Variants in SGK1 observed in about 807,000 individuals in gnomAD.
SGK1 encodes the protein serine/threonine-protein kinase Sgk1.
SGK1 carries 26 observed loss-of-function variants against 64.2 expected under a neutral mutation model. The observed-to-expected ratio is 0.40, with a 90% CI of 0.30 to 0.56. SGK1 has a LOEUF of 0.56. Ranked by LOEUF, SGK1 falls within the 20% of genes least tolerant of loss-of-function variation. The pLI, the probability that SGK1 is intolerant of heterozygous loss-of-function variation, is 0.38. For synonymous variants in SGK1, 265 were observed against 239.7 expected (o/e 1.11, Z -0.98); for missense variants, 519 against 645.6 (o/e 0.80, Z 2.12).
At chr6:134,316,374 C>A (rs902545578) in intron 1 of SGK1, among the ~76,000 whole-genome samples, 1 of 152,100 alleles carries the variant, frequency 6.6e-6, no homozygotes, top group African/African-American at 2.4e-5. Flanking sequence ...TGGAGAGAAC[C>A]ATTTTGGTGG....
At position 134,272,993 on chromosome 6, in the gene SGK1, G is replaced by A. The variant is rs1776963682; in HGVS notation, c.70-10845C>T. Among the ~76,000 whole-genome samples the A allele has an allele frequency of 1.3e-5, 2 of 148,322 alleles. 1 individual carries two copies. The highest frequency in any genetic ancestry group is 3.0e-5 in the Non-Finnish European group (2 of 66,882). On this transcript the variant is annotated intron_variant, in intron 1 of 13. Transcript: ENST00000367858. ...AGAAATTTAATGTTGACCATCGAAA[G>A]AGGATGCTTGCATTTCAGAGGGGCT...
At chr6:134,221,133 G>T (rs146733676) in intron 2 of SGK1, among the ~76,000 whole-genome samples, 11,938 of 152,062 alleles carry the variant, frequency 0.079, 806 homozygotes, top group East Asian at 0.24. Context: ...GTGAAACCCT[G>T]TCTTTACTAA....
chr6:134,228,841 CTTTTTTT>C (rs754300980), intron 2 of SGK1, among the ~76,000 whole-genome samples: 3 of 129,960 alleles, frequency 2.3e-5, no homozygotes, highest in Admixed American at 8.1e-5. Flanking sequence ...TGTAGTTGTT[CTTTTTTT>C]TTTTTTTTTT....
At chr6:134,291,799 G>A (rs143170437) in intron 1 of SGK1, among the ~76,000 whole-genome samples, 10 of 152,252 alleles carry the variant, frequency 6.6e-5, no homozygotes, top group African/African-American at 2.4e-4. Context: ...GATGGGTCAC[G>A]CCTGTAATCC....
intron 1 of SGK1, among the ~76,000 whole-genome samples, chr6:134,285,488 A>AG (rs1777169950): frequency 6.6e-6 from 1 of 151,746 alleles, no homozygotes. Context: ...AAAAAAAAAA[A>AG]AAAAAAAAGG....
At position 134,232,904 on chromosome 6, in the gene SGK1, A is replaced by G. The variant is rs149204869; in HGVS notation, c.286-25473T>C. Among the ~76,000 whole-genome samples, 357 of 152,158 alleles carry G rather than the reference A, an allele frequency of 2.3e-3. 2 individuals carry two copies. Among genetic ancestry groups the G allele is most frequent in the African/African-American group, 8.2e-3 (342 of 41,526 alleles). On this transcript the variant is annotated intron_variant, in intron 2 of 13. Transcript: ENST00000367858. ...GTGTATAGAACAGATAAGTCAATGT[A>G]GGAAACAATGTTTATTGTGTTCATG...
At chr6:134,184,504 CAAAAAAAAA>C (rs1162404618) in intron 3 of SGK1, among the ~76,000 whole-genome samples, 7 of 63,570 alleles carry the variant, frequency 1.1e-4, no homozygotes, top group Non-Finnish European at 2.0e-4. Flanking sequence ...GACTCCATCT[CAAAAAAAAA>C]AAAAAAAAAA....
At chr6:134,216,868 T>G (rs1775994537) in intron 2 of SGK1, among the ~76,000 whole-genome samples, 1 of 152,072 alleles carries the variant, frequency 6.6e-6, no homozygotes. Context: ...CCTCTCTGGG[T>G]GGGACAGCAC....
intron 2 of SGK1, among the ~76,000 whole-genome samples, chr6:134,255,059 A>C (rs1409794499): frequency 6.6e-6 from 1 of 152,028 alleles, no homozygotes; most frequent in Non-Finnish European, 1.5e-5. Flanking sequence ...TAGTAGAGAC[A>C]GGGTTTCACC....
intron 1 of SGK1, among the ~76,000 whole-genome samples, chr6:134,263,048 A>T (rs1054388551): frequency 9.9e-5 from 15 of 152,098 alleles, no homozygotes; most frequent in Admixed American, 3.9e-4. Context: ...ACAATGTTCA[A>T]GTACTTTGCC....
rs531945161 is a variant in SGK1 at position 134,253,667 on chromosome 6, T to A, written c.285+8266A>T. 6.6e-5 allele frequency among the ~76,000 whole-genome samples: 10 copies of A among 152,064 alleles called. No homozygotes were observed. In the East Asian group the frequency reaches 7.8e-4, roughly 12 times the overall value. ...GACCTTGTCTCAAAAAAATAAAAAA[T>A]TTTTTTCTACAGTGCCCCTCTATTA... On this transcript the variant is annotated intron_variant, in intron 2 of 13. Transcript: ENST00000367858.
chr6:134,289,625 T>C (rs1441740778), intron 1 of SGK1, among the ~76,000 whole-genome samples: 3 of 152,192 alleles, frequency 2.0e-5, no homozygotes, highest in South Asian at 4.1e-4. Flanking sequence ...ATACTGTGTT[T>C]AAAATCTGGT....
intron 2 of SGK1, among the ~76,000 whole-genome samples, chr6:134,255,887 C>T (rs184239651): frequency 1.4e-4 from 22 of 152,092 alleles, no homozygotes; most frequent in African/African-American, 4.6e-4. Flanking sequence ...GCCCTGCCTT[C>T]AGTCTTCTTG....
At chr6:134,222,594 G>A (rs1024094679) in intron 2 of SGK1, among the ~76,000 whole-genome samples, 9 of 151,808 alleles carry the variant, frequency 5.9e-5, no homozygotes, top group African/African-American at 1.9e-4. Context: ...CCTCATCCTC[G>A]CAAAGTGCTG....
chr6:134,270,569 G>A (rs1776923950), intron 1 of SGK1, among the ~76,000 whole-genome samples: 1 of 148,290 alleles, frequency 6.7e-6, no homozygotes, highest in Non-Finnish European at 1.5e-5. Flanking sequence ...GGCACCCTGA[G>A]AAGATGGAGT....
intron 1 of SGK1, among the ~76,000 whole-genome samples, chr6:134,265,541 CACATATATATTTTATATAT>C (rs1776837694): frequency 6.9e-6 from 1 of 145,764 alleles, no homozygotes; most frequent in Admixed American, 6.9e-5. Context: ...ATTTTATATA[CACATATATATTTTATATAT>C]ATACATATAT....
intron 3 of SGK1, among the ~76,000 whole-genome samples, chr6:134,202,259 A>G (rs1775698510): frequency 6.6e-6 from 1 of 152,228 alleles, no homozygotes; most frequent in Non-Finnish European, 1.5e-5. Context: ...TAGCAAAAAT[A>G]TCCTTCAAGA....
At chr6:134,253,621 C>A (rs763006156) in intron 2 of SGK1, among the ~76,000 whole-genome samples, 18 of 152,070 alleles carry the variant, frequency 1.2e-4, no homozygotes, top group South Asian at 2.1e-4. Context: ...CCACTGCACT[C>A]CAGCCTGGGC....
chr6:134,186,803 C>T (rs1009435612), intron 3 of SGK1, among the ~76,000 whole-genome samples: 2 of 151,872 alleles, frequency 1.3e-5, no homozygotes, highest in South Asian at 2.1e-4. Flanking sequence ...TTCAGACATA[C>T]ACTTCTGGGT....
Sources: allele counts gnomAD v4.1 joint callset (sites outside exome capture counted in the v4.1 genomes callset), GRCh38; gene constraint gnomAD v4.1.1; transcripts MANE v1.5; gene names NCBI Gene and HGNC (gene_info 2026-07-23, HGNC 2026-07-21).